The following TEX11 variants were observed in gnomAD, a reference collection of about 807,000 sequenced individuals.
The protein encoded by TEX11 is testis expressed 11, also known as testis-expressed protein 11.
Under a neutral mutation model 84.4 loss-of-function variants are expected in TEX11, and 7 were observed. That is an observed-to-expected ratio of 0.08 (90% CI 0.05 to 0.16). The LOEUF is 0.16. Ranked by LOEUF, TEX11 falls within the 10% of genes least tolerant of loss-of-function variation. The pLI, the probability that TEX11 is intolerant of heterozygous loss-of-function variation, is 1.00. For missense variants in TEX11, 551 were observed against 660.5 expected (o/e 0.83, Z 1.82); for synonymous variants, 264 against 222.8 (o/e 1.18, Z -1.64).
chrX:70,599,870 T>C (rs1318765259), intron 24 of TEX11, among the ~76,000 whole-genome samples: 3 of 107,525 alleles, frequency 2.8e-5, no homozygotes, highest in Admixed American at 9.9e-5. Context: ...TATGGCTGCA[T>C]AGTATTCCAT....
intron 13 of TEX11, among the ~76,000 whole-genome samples, chrX:70,691,902 A>C (rs2090238264): frequency 9.0e-6 from 1 of 111,503 alleles, no homozygotes; most frequent in South Asian, 3.8e-4. Context: ...GTATATCAAA[A>C]CATCACATTA....
At position 70,539,019 on chromosome X, in the gene TEX11, A is replaced by AAT. The variant is rs971242983; in HGVS notation, c.2521-9022_2521-9021dup. 2.3e-3 allele frequency among the ~76,000 whole-genome samples: 109 copies of AAT among 47,826 alleles called. 5 individuals are homozygous for AAT. Among genetic ancestry groups the AAT allele is most frequent in the African/African-American group, 7.6e-3 (105 of 13,883 alleles). 41.5% of individuals were successfully genotyped at this position (47,826 alleles called of 115,157 possible). A position where few individuals can be genotyped will look rare whatever the true frequency, so the allele number is the denominator to read the frequency against. On this transcript the variant is annotated intron_variant, in intron 28 of 29. Transcript: ENST00000374333. ...TTAATGTGCATACAAGACACTTGGAAATATATATATATATATATATTTTTT... is the reference window on the plus strand; with the variant it reads ...TTAATGTGCATACAAGACACTTGGAAATATATATATATATATATATATTTTTT...
In TEX11 at chrX:70,581,294, C is replaced by CTT. The variant is rs35102694; in HGVS notation, c.2140+10455_2140+10456dup. On this transcript the variant is annotated intron_variant, in intron 25 of 29. Transcript: ENST00000374333. The stretch of plus-strand genomic sequence containing the variant: ...GCAGTTTTAAGTTTATATACTGTTG[C>CTT]TTTTTTTTTTTTTTTTTTTTTTAAG... Among the ~76,000 whole-genome samples, 173 of 43,631 alleles carry CTT rather than the reference C, an allele frequency of 4.0e-3. 2 individuals carry two copies. Among genetic ancestry groups the CTT allele is most frequent in the African/African-American group, 0.015 (170 of 11,515 alleles). The allele number at this position is 43,631 out of a possible 115,157, so 37.9% of individuals were successfully genotyped here. A position where few individuals can be genotyped will look rare whatever the true frequency, so the allele number is the denominator to read the frequency against.
chrX:70,656,868 T>C (rs772279234), intron 16 of TEX11, among the ~76,000 whole-genome samples: 18 of 111,839 alleles, frequency 1.6e-4, no homozygotes, highest in Non-Finnish European at 2.8e-4. Context: ...AAAGAAGCGA[T>C]AGTAGTCTAG....
intron 19 of TEX11, 127 bp downstream of exon 19, chrX:70,624,712 C>T: frequency 2.2e-6 from 1 of 461,846 alleles, no homozygotes; most frequent in Non-Finnish European, 3.6e-6. Context: ...CCCAACCTCA[C>T]CCTCCTCTGC....
intron 16 of TEX11, among the ~76,000 whole-genome samples, chrX:70,661,534 T>C (rs1217962369): frequency 8.9e-6 from 1 of 111,937 alleles, no homozygotes; most frequent in African/African-American, 3.2e-5. Context: ...GTAGTGGTTC[T>C]CCTAGCATGC....
chrX:70,811,966 T>C (rs2091257896), intron 8 of TEX11, among the ~76,000 whole-genome samples: 1 of 111,898 alleles, frequency 8.9e-6, no homozygotes, highest in East Asian at 2.8e-4. Context: ...TTTTCTCCCA[T>C]TCTGTACGCT....
chrX:70,556,286 T>C, intron 25 of TEX11, among the ~76,000 whole-genome samples: 1 of 110,930 alleles, frequency 9.0e-6, no homozygotes, highest in Admixed American at 9.7e-5. Flanking sequence ...CTGCTCTAGT[T>C]GTAGCCTACA....
chrX:70,629,558 C>T, intron 18 of TEX11, 53 bp downstream of exon 18: 1 of 1,160,643 alleles, frequency 8.6e-7, no homozygotes, highest in South Asian at 1.8e-5. Context: ...TATTAATTGT[C>T]TTTCAAAAAG....
chrX:70,532,282 G>C lies in TEX11; in HGVS notation c.2521-2283C>G, dbSNP rs760951974. Among the ~76,000 whole-genome samples, 23 of 111,988 alleles carry C rather than the reference G, an allele frequency of 2.1e-4. No individual in the cohort carries two copies. The South Asian group carries it at 7.1e-3, about 34-fold the overall frequency. ...AGTGTTAAGGGTTTTTGCATTACAG[G>C]CTTCAGATTTTGAAATTTATCCTGC... On this transcript the variant is annotated intron_variant, in intron 28 of 29. Coordinates refer to ENST00000374333, the MANE Select transcript of TEX11 (RefSeq NM_031276.3).
At position 70,753,165 on chromosome X, in the gene TEX11, C is replaced by A. The variant is rs765345505; in HGVS notation, c.693-8946G>T. Among the ~76,000 whole-genome samples the A allele has an allele frequency of 3.6e-3, 317 of 86,921 alleles. 2 individuals carry two copies. The highest frequency in any genetic ancestry group is 0.014 in the African/African-American group (305 of 21,336). The allele number at this position is 86,921 out of a possible 115,157, so 75.5% of individuals were successfully genotyped here. A position where few individuals can be genotyped will look rare whatever the true frequency, so the allele number is the denominator to read the frequency against. ...TGCAACTCCTAAGAGAGTCCTAGTG[C>A]TGAACTAAGCCCAGAGTCACCGGAA... On this transcript the variant is annotated intron_variant, in intron 9 of 29. Transcript: ENST00000374333.
rs1050715507 is a variant in TEX11, at chrX:70,838,711, G to C, written c.526-5118C>G. ...CATCGCCTCACCAGGGAAGCACAAG[G>C]GGTCAGGGAATTCCCTTTCCTAGTC... On this transcript the variant is annotated intron_variant, in intron 7 of 29. Transcript: ENST00000374333. Among the ~76,000 whole-genome samples the C allele has an allele frequency of 1.3e-4, 15 of 112,618 alleles. 1 individual carries two copies. The highest frequency in any genetic ancestry group is 1.3e-3 in the Admixed American group (14 of 10,670).
In TEX11 at chrX:70,624,973, G is replaced by A. The variant is rs1018495668; in HGVS notation, c.1609-49C>T. ...TTAAATTACATCTCAAAGTGATACT[G>A]CAAAATATTATCTATATTCCTGTTC... is the stretch of plus-strand genomic sequence containing the variant. On this transcript the variant is annotated intron_variant, in intron 18 of 29. Coordinates refer to ENST00000374333, the MANE Select transcript of TEX11 (RefSeq NM_031276.3). 13 of 871,734 alleles carry A rather than the reference G, an allele frequency of 1.5e-5. No individual in the cohort carries two copies. In the African/African-American group the frequency reaches 2.2e-4, roughly 15 times the overall value. The allele number at this position is 871,734 out of a possible 1,213,427, so 71.8% of individuals were successfully genotyped here. A position where few individuals can be genotyped will look rare whatever the true frequency, so the allele number is the denominator to read the frequency against.
At chrX:70,553,256 T>C (rs2088241856) in intron 27 of TEX11, 50 bp downstream of exon 27, 1 of 860,251 alleles carries the variant, frequency 1.2e-6, no homozygotes, top group Non-Finnish European at 1.7e-6. Flanking sequence ...TTTTGAGGCA[T>C]TGACTATAGT....
chrX:70,538,110 T>G (rs1410485631), intron 28 of TEX11, among the ~76,000 whole-genome samples: 1 of 111,447 alleles, frequency 9.0e-6, no homozygotes, highest in African/African-American at 3.3e-5. Flanking sequence ...AGATTCTGCT[T>G]TGTTCTAAGA....
At chrX:70,727,581 G>T (rs1472992656) in intron 11 of TEX11, among the ~76,000 whole-genome samples, 1 of 111,610 alleles carries the variant, frequency 9.0e-6, no homozygotes, top group East Asian at 2.8e-4. Context: ...ACAATATACA[G>T]TTGCTATGGA....
At chrX:70,711,769 G>T (rs2090436775) in intron 13 of TEX11, among the ~76,000 whole-genome samples, 1 of 111,295 alleles carries the variant, frequency 9.0e-6, no homozygotes, top group Non-Finnish European at 1.9e-5. Flanking sequence ...AGTTTCTTTT[G>T]CTGTGCAGAA....
At chrX:70,781,984 C>G (rs932004006) in intron 9 of TEX11, among the ~76,000 whole-genome samples, 1 of 110,791 alleles carries the variant, frequency 9.0e-6, no homozygotes, top group Non-Finnish European at 1.9e-5. Flanking sequence ...AAAGATACCC[C>G]TCAAGAAGAG....
At position 70,754,889 on chromosome X, in the gene TEX11, C is replaced by G. The variant is rs1324278101; in HGVS notation, c.693-10670G>C. ...GCCCAAGACCATCAAGGTAGTACCT[C>G]TATATGTCTACAAGAACCAGAGCAT... is the stretch of plus-strand genomic sequence containing the variant. On this transcript the variant is annotated intron_variant, in intron 9 of 29. Transcript: ENST00000374333. 3.6e-5 allele frequency among the ~76,000 whole-genome samples: 4 copies of G among 112,199 alleles called. No individual in the cohort carries two copies. The Admixed American group carries it at 3.8e-4, about 11-fold the overall frequency.
Sources: allele counts gnomAD v4.1 joint callset (sites outside exome capture counted in the v4.1 genomes callset), GRCh38; gene constraint gnomAD v4.1.1; transcripts MANE v1.5; gene names NCBI Gene and HGNC (gene_info 2026-07-23, HGNC 2026-07-21).